HDAC3: variants seen among roughly 807,000 people sequenced by gnomAD.
HDAC3 encodes the protein histone deacetylase 3.
A neutral mutation model predicts 62.3 loss-of-function variants in HDAC3; 21 were observed. The ratio of observed to expected loss-of-function variants is 0.34; its 90% confidence interval spans 0.24 to 0.49. The LOEUF is 0.49. Ranked by LOEUF, HDAC3 falls within the 20% of genes least tolerant of loss-of-function variation. The probability of loss-of-function intolerance (pLI) is 0.99; values close to 1 mark genes in which losing one functional copy is unlikely to be tolerated. For synonymous variants in HDAC3, 198 were observed against 206.5 expected, an observed-to-expected ratio of 0.96 and a Z score of 0.35; for missense variants, 270 against 556.9, an observed-to-expected ratio of 0.48 and a Z score of 5.19.
chr5:141,629,552 A>C lies in HDAC3; in HGVS notation c.476+132T>G, dbSNP rs75508401. On this transcript the variant is annotated intron_variant, in intron 6 of 14. Coordinates refer to ENST00000305264, the MANE Select transcript of HDAC3 (RefSeq NM_003883.4). The surrounding 1 kb of genome is among the most constrained non-coding windows in gnomAD (Gnocchi z 5.3). Reference sequence around the variant, plus strand: ...GGGAATCTGCAGCAGTGGAAGAGGCAGCCTGAATAAAGCATCAAGAACTTG... The same window carrying C: ...GGGAATCTGCAGCAGTGGAAGAGGCCGCCTGAATAAAGCATCAAGAACTTG... 0.042 allele frequency: 40,922 copies of C among 980,854 alleles called. 1,027 individuals are homozygous for C. Among genetic ancestry groups the C allele is most frequent in the South Asian group, 0.074 (5,187 of 69,844 alleles). The allele number at this position is 980,854 out of a possible 1,614,324, so 60.8% of individuals were successfully genotyped here. A position where few individuals can be genotyped will look rare whatever the true frequency, so the allele number is the denominator to read the frequency against.
chr5:141,627,784 T>A, intron 10 of HDAC3, 109 bp downstream of exon 10: 1 of 903,418 alleles, frequency 1.1e-6, no homozygotes, highest in Non-Finnish European at 1.8e-6. Context: ...TTGTAGCTAT[T>A]TTTGATTTCC....
rs1202337502 is a variant in HDAC3, at chr5:141,625,645, T to G, written c.1059+40A>C. ...CTTTGACCTCTCCTGGGCTCCACCT[T>G]TCAGGAGAAGTTTGTGCTCAGCTTT... is the stretch of plus-strand genomic sequence containing the variant. On this transcript the variant is annotated intron_variant, in intron 13 of 14. Coordinates refer to ENST00000305264, the MANE Select transcript of HDAC3 (RefSeq NM_003883.4). This position sits in a 1 kb window ranked among gnomAD's most constrained non-coding sequence, Gnocchi z 4.0. The G allele has an allele frequency of 6.3e-7, 1 of 1,585,398 alleles. No individual in the cohort carries two copies. The highest frequency in any genetic ancestry group is 8.7e-7 in the Non-Finnish European group (1 of 1,153,882).
intron 3 of HDAC3, 41 bp downstream of exon 3, chr5:141,634,770 C>T (rs1239737145): frequency 6.2e-7 from 1 of 1,605,870 alleles, no homozygotes. Flanking sequence ...AAGGGCTTGG[C>T]ATTAAACTGT....
chr5:141,628,575 A>G lies in HDAC3; in HGVS notation c.675T>C (p.Asp225=), dbSNP rs1005750717. Residue 225 remains aspartate (D), a synonymous_variant, in exon 8 of 15, where the codon GAT becomes GAC. Transcript: ENST00000305264. The surrounding 1 kb of genome is among the most constrained non-coding windows in gnomAD (Gnocchi z 4.7). Reference sequence around the variant, plus strand: ...GGTACTTACTCTGGTCATCAATGCCATCCCGCAGGGGCACGTTCAGACAGT... The same window carrying G: ...GGTACTTACTCTGGTCATCAATGCCGTCCCGCAGGGGCACGTTCAGACAGT... ...RYYCLNVPLR[D]GIDDQSYKHL... 4.3e-6 allele frequency: 7 copies of G among 1,613,942 alleles called. No individual in the cohort carries two copies. In the African/African-American group the frequency reaches 8.0e-5, roughly 18 times the overall value.
intron 2 of HDAC3, 107 bp from the exon 3 acceptor site, chr5:141,635,060 G>A (rs917283837): frequency 1.8e-6 from 2 of 1,088,174 alleles, no homozygotes; most frequent in East Asian, 5.0e-5. Flanking sequence ...GCCAAACATA[G>A]CATTCCCCTC....
intron 3 of HDAC3, among the ~76,000 whole-genome samples, chr5:141,634,349 A>T (rs576200334): frequency 3.5e-4 from 53 of 152,084 alleles, no homozygotes; most frequent in Non-Finnish European, 4.6e-4. Context: ...CAAATGAGTC[A>T]TACTCAGTCC....
Sources: allele counts gnomAD v4.1 joint callset (sites outside exome capture counted in the v4.1 genomes callset), GRCh38; gene constraint gnomAD v4.1.1; non-coding constraint Gnocchi (gnomAD v3.1); transcripts MANE v1.5; gene names NCBI Gene and HGNC (gene_info 2026-07-23, HGNC 2026-07-21).